The following ANO4 variants were observed in gnomAD, a reference collection of about 807,000 sequenced individuals.
ANO4 encodes the protein anoctamin 4.
ANO4 carries 69 observed loss-of-function variants against 141.9 expected under a neutral mutation model. That is an observed-to-expected ratio of 0.49 (90% confidence interval 0.40 to 0.59). The LOEUF is 0.59. Ranked by LOEUF, ANO4 falls within the 20% of genes least tolerant of loss-of-function variation. ANO4 has a pLI of 0.00. For synonymous variants in ANO4, 350 were observed against 394.3 expected, an observed-to-expected ratio of 0.89 and a Z score of 1.33; for missense variants, 894 against 1,162.2, an observed-to-expected ratio of 0.77 and a Z score of 3.36.
intron 8 of ANO4, among the ~76,000 whole-genome samples, chr12:101,002,713 A>G (rs2045703648): frequency 6.6e-6 from 1 of 152,150 alleles, no homozygotes. Flanking sequence ...TGGGCCCATT[A>G]GCCTCTGTAA....
chr12:100,927,362 T>C (rs1202712698), intron 3 of ANO4, among the ~76,000 whole-genome samples: 2 of 152,132 alleles, frequency 1.3e-5, no homozygotes, highest in Non-Finnish European at 2.9e-5. Flanking sequence ...TCTAGTAAGA[T>C]TCAAACCCTC....
chr12:100,923,004 A>G (rs1346263330), intron 3 of ANO4, among the ~76,000 whole-genome samples: 3 of 152,264 alleles, frequency 2.0e-5, no homozygotes, highest in Admixed American at 6.5e-5. Context: ...CTCTAATTCT[A>G]GATGATGAAG....
chr12:100,966,550 G>A (rs2043662121), intron 5 of ANO4, among the ~76,000 whole-genome samples: 1 of 152,032 alleles, frequency 6.6e-6, no homozygotes, highest in African/African-American at 2.4e-5. Flanking sequence ...GGACACACTT[G>A]CTTTGTATCT....
At chr12:100,896,054 C>A (rs1466587915) in intron 1 of ANO4, among the ~76,000 whole-genome samples, 2 of 151,962 alleles carry the variant, frequency 1.3e-5, no homozygotes, top group Non-Finnish European at 2.9e-5. Context: ...ATAACATCCC[C>A]AAGGATGGAC....
intron 3 of ANO4, among the ~76,000 whole-genome samples, chr12:100,936,136 G>A (rs568497988): frequency 2.0e-5 from 3 of 152,276 alleles, no homozygotes; most frequent in African/African-American, 7.2e-5. Context: ...AGCTCAAGTG[G>A]CAGTAGCCCC....
chr12:101,020,808 T>A (rs997015477), intron 9 of ANO4, among the ~76,000 whole-genome samples: 6 of 152,218 alleles, frequency 3.9e-5, no homozygotes, highest in African/African-American at 1.4e-4. Flanking sequence ...TTTCCTGCCT[T>A]ATTAAACAGA....
chr12:101,097,558 A>G (rs563014479), intron 19 of ANO4, 93 bp from the exon 20 acceptor site: 175 of 1,194,536 alleles, frequency 1.5e-4, no homozygotes, highest in Middle Eastern at 1.4e-3. Context: ...AGTAGCAGTC[A>G]TTCACATTGG....
chr12:100,998,853 A>C (rs1178560097), intron 8 of ANO4, among the ~76,000 whole-genome samples: 2 of 152,232 alleles, frequency 1.3e-5, no homozygotes, highest in Admixed American at 6.5e-5. Context: ...GAAATTTATT[A>C]TAGGAATATG....
At chr12:100,982,860 T>C (rs1416267451) in intron 7 of ANO4, among the ~76,000 whole-genome samples, 1 of 152,218 alleles carries the variant, frequency 6.6e-6, no homozygotes, top group Non-Finnish European at 1.5e-5. Context: ...ATCAAGATAT[T>C]ATCACCCAAA....
intron 3 of ANO4, among the ~76,000 whole-genome samples, chr12:100,927,478 C>G (rs1000356462): frequency 1.3e-5 from 2 of 151,954 alleles, no homozygotes; most frequent in Non-Finnish European, 2.9e-5. Flanking sequence ...TTTTTAATCA[C>G]CAAAGTTTTC....
rs778287284 is a variant in ANO4 at position 101,099,531 on chromosome 12, C to T, written c.2007-47C>T. 2.6e-6 allele frequency: 4 copies of T among 1,529,054 alleles called. No individual in the cohort carries two copies. In the South Asian group the frequency reaches 3.9e-5, roughly 15 times the overall value. 94.7% of individuals were successfully genotyped at this position (1,529,054 alleles called of 1,614,324 possible). A position where few individuals can be genotyped will look rare whatever the true frequency, so the allele number is the denominator to read the frequency against. Reference sequence around the variant, plus strand: ...CTCTCCTTTTTCTTATTACCTAAGTCATATGATCAGTTACATTTTTTGTAA... The same window carrying T: ...CTCTCCTTTTTCTTATTACCTAAGTTATATGATCAGTTACATTTTTTGTAA... On this transcript the variant is annotated intron_variant, in intron 21 of 27. Transcript: ENST00000392977.
chr12:100,840,327 A>G (rs1033930943), intron 1 of ANO4, among the ~76,000 whole-genome samples: 1 of 152,180 alleles, frequency 6.6e-6, no homozygotes, highest in Non-Finnish European at 1.5e-5. Flanking sequence ...ATTACAAATT[A>G]AATCTTGATC....
At chr12:100,882,755 G>A (rs952837587) in intron 1 of ANO4, among the ~76,000 whole-genome samples, 1 of 152,048 alleles carries the variant, frequency 6.6e-6, no homozygotes, top group Non-Finnish European at 1.5e-5. Context: ...CTGGAGTGCA[G>A]TGGCATGATC....
chr12:101,063,826 T>C (rs1477735112), intron 14 of ANO4, among the ~76,000 whole-genome samples: 4 of 146,824 alleles, frequency 2.7e-5, no homozygotes, highest in Middle Eastern at 3.5e-3. Context: ...AATTTGTTTA[T>C]AATATTCTCT....
At position 101,039,915 on chromosome 12, in the gene ANO4, T is replaced by G. The variant is rs201634774; in HGVS notation, c.898-40T>G. ...ACCATCAGCATTTCCTTGTGACTTT[T>G]GTGAGTACTACCTCACTGGCAGTGG... On this transcript the variant is annotated intron_variant, in intron 10 of 27. Coordinates refer to ENST00000392977, the MANE Select transcript of ANO4 (RefSeq NM_001286615.2). 2.1e-5 allele frequency: 33 copies of G among 1,578,972 alleles called. No individual in the cohort carries two copies. The Middle Eastern group carries it at 5.1e-4, about 24-fold the overall frequency.
At chr12:100,827,069 TG>T (rs1251432320) in intron 1 of ANO4, among the ~76,000 whole-genome samples, 11 of 152,038 alleles carry the variant, frequency 7.2e-5, no homozygotes, top group African/African-American at 2.4e-4. Flanking sequence ...AGAGTAGTCT[TG>T]TAAAACATGT....
intron 1 of ANO4, among the ~76,000 whole-genome samples, chr12:100,861,981 C>G (rs909623783): frequency 6.6e-6 from 1 of 152,184 alleles, no homozygotes; most frequent in Non-Finnish European, 1.5e-5. Context: ...GGGGCAATAA[C>G]ATGCATGGAG....
chr12:100,775,775 G>C (rs2033480386), intron 3 of ANO4, among the ~76,000 whole-genome samples: 1 of 152,004 alleles, frequency 6.6e-6, no homozygotes, highest in South Asian at 2.1e-4. Flanking sequence ...ACCTAGTCCA[G>C]ATTTTTTCTT....
chr12:101,031,808 A>G (rs1339102110), intron 9 of ANO4, among the ~76,000 whole-genome samples: 1 of 152,180 alleles, frequency 6.6e-6, no homozygotes, highest in East Asian at 1.9e-4. Flanking sequence ...AGAGAGCCAA[A>G]TCATGAATTA....
Sources: gnomAD v4.1 joint callset for allele counts (sites outside exome capture counted in the v4.1 genomes callset) on GRCh38, gnomAD v4.1.1 for gene constraint, MANE v1.5 for transcripts, NCBI Gene and HGNC (gene_info 2026-07-23, HGNC 2026-07-21) for gene names.